LINGO2: variants seen among roughly 807,000 people sequenced by gnomAD.
LINGO2 encodes leucine rich repeat and Ig domain containing 2, also known as leucine-rich repeat and immunoglobulin-like domain-containing nogo receptor-interacting protein 2.
LINGO2 carries 14 observed loss-of-function variants against 30.6 expected under a neutral mutation model. That is an observed-to-expected ratio of 0.46 (90% CI 0.30 to 0.72). The LOEUF (loss-of-function observed/expected upper bound fraction) is 0.72. Ranked by LOEUF, LINGO2 falls within the 30% of genes least tolerant of loss-of-function variation. The pLI is 0.07. For missense variants in LINGO2, 729 were observed against 751.7 expected (o/e 0.97, Z 0.35); for synonymous variants, 317 against 288.5 (o/e 1.10, Z -1.00).
intron 4 of LINGO2, among the ~76,000 whole-genome samples, chr9:28,045,603 A>G (rs556348545): frequency 7.2e-5 from 11 of 152,304 alleles, no homozygotes; most frequent in Non-Finnish European, 2.9e-5. Context: ...TGATTATGGG[A>G]GCCTAGAGGA....
intron 4 of LINGO2, among the ~76,000 whole-genome samples, chr9:28,127,288 AG>A (rs1330283808): frequency 6.6e-6 from 1 of 152,010 alleles, no homozygotes; most frequent in African/African-American, 2.4e-5. Context: ...GGGGCCTTGG[AG>A]TGTTTGCTTT....
chr9:28,215,696 C>T (rs4604546), intron 4 of LINGO2, among the ~76,000 whole-genome samples: 130,331 of 151,634 alleles, frequency 0.86, 56,221 homozygotes, highest in Non-Finnish European at 0.9. Flanking sequence ...GTCTAATCCA[C>T]TATATCAACA....
chr9:28,291,409 T>C (rs1000965177), intron 4 of LINGO2, among the ~76,000 whole-genome samples: 2 of 152,166 alleles, frequency 1.3e-5, no homozygotes, highest in Admixed American at 1.3e-4. Context: ...TGGCGTCACT[T>C]GTTTGTCTAT....
At chr9:28,200,336 T>G (rs1820183235) in intron 4 of LINGO2, among the ~76,000 whole-genome samples, 1 of 152,084 alleles carries the variant, frequency 6.6e-6, no homozygotes, top group Non-Finnish European at 1.5e-5. Flanking sequence ...ATCATTTTAT[T>G]ACGTTTAGGG....
the LINGO2 span, among the ~76,000 whole-genome samples, chr9:28,846,363 G>A: frequency 2.6e-5 from 4 of 151,688 alleles, no homozygotes; most frequent in Admixed American, 1.3e-4. Flanking sequence ...TGGAGGCCAA[G>A]TTGGGATTAA....
the LINGO2 span, among the ~76,000 whole-genome samples, chr9:28,831,972 G>C: frequency 6.6e-6 from 1 of 152,114 alleles, no homozygotes; most frequent in Non-Finnish European, 1.5e-5. Context: ...CATTAGATTT[G>C]AACAGATCAT....
intron 4 of LINGO2, among the ~76,000 whole-genome samples, chr9:28,076,267 C>A (rs1587815029): frequency 6.6e-6 from 1 of 151,936 alleles, no homozygotes; most frequent in Non-Finnish European, 1.5e-5. Context: ...TTTCTCATTT[C>A]TTTTTATACC....
intron 4 of LINGO2, among the ~76,000 whole-genome samples, chr9:28,177,742 T>C (rs1186146576): frequency 6.6e-6 from 1 of 152,114 alleles, no homozygotes; most frequent in Non-Finnish European, 1.5e-5. Context: ...AGACCAGGCA[T>C]CTTGCTGGCC....
intron 1 of LINGO2, among the ~76,000 whole-genome samples, chr9:28,561,934 C>G (rs115785731): frequency 0.017 from 2,635 of 151,486 alleles, 75 homozygotes; most frequent in African/African-American, 0.059. Context: ...CTCCAGCTCT[C>G]TGCTTTTCAA....
the LINGO2 span, among the ~76,000 whole-genome samples, chr9:29,003,735 G>T: frequency 1.3e-5 from 2 of 151,924 alleles, no homozygotes; most frequent in Admixed American, 6.6e-5. Context: ...CCAGAGAATC[G>T]CCAAGCCTTT....
chr9:28,156,586 T>C (rs955808819), intron 4 of LINGO2, among the ~76,000 whole-genome samples: 4 of 152,118 alleles, frequency 2.6e-5, no homozygotes. Context: ...CTTTTCTGTG[T>C]CCCCCAAAGT....
chr9:29,155,825 T>C, the LINGO2 span, among the ~76,000 whole-genome samples: 9 of 152,020 alleles, frequency 5.9e-5, no homozygotes, highest in African/African-American at 2.2e-4. Flanking sequence ...CTGGAGTAAA[T>C]AGCTTACAGT....
At chr9:29,131,958 T>C in the LINGO2 span, among the ~76,000 whole-genome samples, 2 of 151,384 alleles carry the variant, frequency 1.3e-5, no homozygotes, top group African/African-American at 2.4e-5. Flanking sequence ...TCTGGGTAGT[T>C]GTATTCATTT....
intron 2 of LINGO2, among the ~76,000 whole-genome samples, chr9:28,416,126 A>T (rs902723422): frequency 2.0e-5 from 3 of 152,118 alleles, no homozygotes; most frequent in Non-Finnish European, 4.4e-5. Flanking sequence ...TCATTATACC[A>T]CTATCACATG....
chr9:28,555,679 G>T (rs1051021740), intron 1 of LINGO2, among the ~76,000 whole-genome samples: 1 of 151,940 alleles, frequency 6.6e-6, no homozygotes, highest in Non-Finnish European at 1.5e-5. Context: ...CCAAAGCCGG[G>T]CCGAGACACA....
At chr9:28,592,774 A>G (rs371475340) in intron 1 of LINGO2, among the ~76,000 whole-genome samples, 2 of 152,138 alleles carry the variant, frequency 1.3e-5, no homozygotes, top group African/African-American at 4.8e-5. Context: ...AAAGACTGAG[A>G]AACATAGCTT....
the LINGO2 span, among the ~76,000 whole-genome samples, chr9:28,773,613 G>A: frequency 1.3e-5 from 2 of 152,010 alleles, no homozygotes; most frequent in African/African-American, 4.8e-5. Flanking sequence ...TAAGCTTTTA[G>A]GTTTATCTAT....
At chr9:28,743,682 G>T in the LINGO2 span, among the ~76,000 whole-genome samples, 1 of 151,858 alleles carries the variant, frequency 6.6e-6, no homozygotes, top group Non-Finnish European at 1.5e-5. Context: ...AAATTGAACT[G>T]CCCTCTATGG....
chr9:28,357,609 AT>A (rs1284537667), intron 3 of LINGO2, among the ~76,000 whole-genome samples: 3 of 152,074 alleles, frequency 2.0e-5, no homozygotes, highest in Admixed American at 1.3e-4. Context: ...CTATGGAAAC[AT>A]TTTTACTTAG....
Sources: allele counts gnomAD v4.1 joint callset (sites outside exome capture counted in the v4.1 genomes callset), GRCh38; gene constraint gnomAD v4.1.1; transcripts MANE v1.5; gene names NCBI Gene and HGNC (gene_info 2026-07-23, HGNC 2026-07-21).